The following FHIT variants were observed in gnomAD, a reference collection of about 807,000 sequenced individuals.
FHIT encodes the protein fragile histidine triad diadenosine triphosphatase, also known as bis(5'-adenosyl)-triphosphatase.
A neutral mutation model predicts 17.9 loss-of-function variants in FHIT; 19 were observed. That is an observed-to-expected ratio of 1.06 (90% CI 0.74 to 1.56). The LOEUF is 1.56. Among genes scored for constraint, FHIT ranks in the 40% most tolerant of loss-of-function variants. The probability of loss-of-function intolerance (pLI) is 0.00; values close to 1 mark genes in which losing one functional copy is unlikely to be tolerated. For missense variants in FHIT, 248 were observed against 189.2 expected, an observed-to-expected ratio of 1.31 and a Z score of -1.82; for synonymous variants, 81 against 69.7, an observed-to-expected ratio of 1.16 and a Z score of -0.81.
intron 5 of FHIT, among the ~76,000 whole-genome samples, chr3:60,275,736 G>A (rs1035933313): frequency 1.3e-4 from 20 of 152,010 alleles, no homozygotes; most frequent in Admixed American, 9.2e-4. Context: ...TATTACAGAG[G>A]GTCAAAGTTC....
At chr3:59,998,219 G>T (rs964850826) in intron 7 of FHIT, among the ~76,000 whole-genome samples, 1 of 152,120 alleles carries the variant, frequency 6.6e-6, no homozygotes, top group African/African-American at 2.4e-5. Flanking sequence ...TGCAGCTGAG[G>T]CCAGGGCCGC....
chr3:60,674,635 T>A (rs535991251), intron 4 of FHIT, among the ~76,000 whole-genome samples: 1 of 152,314 alleles, frequency 6.6e-6, no homozygotes, highest in East Asian at 1.9e-4. Flanking sequence ...AACACAGCCT[T>A]ATGGTAGTGT....
At chr3:60,850,589 A>G (rs991787737) in intron 3 of FHIT, among the ~76,000 whole-genome samples, 2 of 152,028 alleles carry the variant, frequency 1.3e-5, no homozygotes, top group African/African-American at 4.8e-5. Context: ...TTATTAAAAC[A>G]CCATGAAGAC....
At chr3:59,926,641 G>T (rs1432594464) in intron 7 of FHIT, among the ~76,000 whole-genome samples, 26 of 152,170 alleles carry the variant, frequency 1.7e-4, no homozygotes, top group African/African-American at 2.4e-5. Context: ...TTCAAAGAGT[G>T]TATCACTAAC....
At chr3:60,200,805 C>T (rs1702865933) in intron 5 of FHIT, among the ~76,000 whole-genome samples, 1 of 152,130 alleles carries the variant, frequency 6.6e-6, no homozygotes, top group East Asian at 1.9e-4. Flanking sequence ...GCCTTTGAAA[C>T]ACCCTGACAC....
chr3:61,098,346 C>G (rs1559979739), intron 2 of FHIT, among the ~76,000 whole-genome samples: 1 of 152,172 alleles, frequency 6.6e-6, no homozygotes, highest in Non-Finnish European at 1.5e-5. Context: ...GTTTTGGTCA[C>G]TGTAGCCTCG....
chr3:59,869,504 C>T (rs1251647829), intron 8 of FHIT, among the ~76,000 whole-genome samples: 37 of 35,542 alleles, frequency 1.0e-3, no homozygotes, highest in African/African-American at 8.4e-3. Flanking sequence ...TTTTTTTAGA[C>T]AGAGTCTCGC....
rs750478978 is a variant in FHIT, at chr3:60,044,255, G to C, written c.104-30103C>G. Among the ~76,000 whole-genome samples the C allele has an allele frequency of 4.6e-5, 7 of 152,170 alleles. No individual in the cohort carries two copies. In the East Asian group the frequency reaches 1.3e-3, roughly 29 times the overall value. ...ATAAAAGAACAAATATATCTTGATA[G>C]ATGAACTGTCTTTTGTGAATTAAGA... On this transcript the variant is annotated intron_variant, in intron 5 of 9. Coordinates refer to ENST00000492590, the MANE Select transcript of FHIT (RefSeq NM_002012.4).
intron 3 of FHIT, among the ~76,000 whole-genome samples, chr3:61,023,974 G>C (rs974346169): frequency 6.6e-6 from 1 of 152,058 alleles, no homozygotes; most frequent in Admixed American, 6.5e-5. Flanking sequence ...AAAAGCAATG[G>C]CAACAAAAGC....
At chr3:60,011,215 TATA>T (rs1432308218) in intron 7 of FHIT, among the ~76,000 whole-genome samples, 153 bp downstream of exon 7, 2 of 152,222 alleles carry the variant, frequency 1.3e-5, no homozygotes, top group Non-Finnish European at 2.9e-5. Context: ...TGGCAGAGTT[TATA>T]ATGTCAGGAT....
intron 5 of FHIT, among the ~76,000 whole-genome samples, chr3:60,160,690 T>C (rs959729824): frequency 2.0e-5 from 3 of 152,198 alleles, no homozygotes; most frequent in African/African-American, 7.2e-5. Context: ...GCTGTTGTAA[T>C]GTCAAGCAGC....
At chr3:60,086,184 A>G (rs1280437885) in intron 5 of FHIT, among the ~76,000 whole-genome samples, 2 of 152,122 alleles carry the variant, frequency 1.3e-5, no homozygotes, top group African/African-American at 2.4e-5. Context: ...CTTTTTAACA[A>G]CCATCTCTTC....
chr3:60,603,647 A>G (rs2038515225), intron 4 of FHIT, among the ~76,000 whole-genome samples: 1 of 151,970 alleles, frequency 6.6e-6, no homozygotes, highest in Non-Finnish European at 1.5e-5. Flanking sequence ...ATATAACACC[A>G]CTTTTCTGAC....
chr3:59,872,497 G>T (rs1413671963), intron 8 of FHIT, among the ~76,000 whole-genome samples: 2 of 152,166 alleles, frequency 1.3e-5, no homozygotes, highest in Non-Finnish European at 2.9e-5. Flanking sequence ...CTGCATAATT[G>T]AATCTTTGAA....
At chr3:60,034,167 C>T (rs999876936) in intron 5 of FHIT, among the ~76,000 whole-genome samples, 2 of 152,186 alleles carry the variant, frequency 1.3e-5, no homozygotes, top group African/African-American at 4.8e-5. Context: ...AGATTGATCA[C>T]TTGGTGAGGA....
intron 4 of FHIT, among the ~76,000 whole-genome samples, chr3:60,752,994 T>C (rs2042500353): frequency 6.6e-6 from 1 of 152,228 alleles, no homozygotes; most frequent in Non-Finnish European, 1.5e-5. Context: ...TTTATTGGCC[T>C]ACTAAGTCTT....
At chr3:60,182,720 C>T (rs977195009) in intron 5 of FHIT, among the ~76,000 whole-genome samples, 1 of 151,864 alleles carries the variant, frequency 6.6e-6, no homozygotes, top group East Asian at 1.9e-4. Context: ...GAGCTTGACA[C>T]TGCAGTGAGC....
intron 8 of FHIT, among the ~76,000 whole-genome samples, chr3:59,864,293 G>C (rs757172375): frequency 2.0e-5 from 3 of 152,072 alleles, no homozygotes; most frequent in Non-Finnish European, 4.4e-5. Flanking sequence ...CTATTCTTTC[G>C]ATAGTGAAGA....
At chr3:61,137,262 CTTTTTTTTTTTTTT>C (rs67142172) in intron 2 of FHIT, among the ~76,000 whole-genome samples, 8 of 105,510 alleles carry the variant, frequency 7.6e-5, no homozygotes, top group African/African-American at 3.1e-4. Flanking sequence ...AGGTTTCACT[CTTTTTTTTTTTTTT>C]TTTTTTTTTG....
Sources: allele counts gnomAD v4.1 joint callset (sites outside exome capture counted in the v4.1 genomes callset), GRCh38; gene constraint gnomAD v4.1.1; transcripts MANE v1.5; gene names NCBI Gene and HGNC (gene_info 2026-07-23, HGNC 2026-07-21).